The following USP48 variants were observed in gnomAD, a reference collection of about 807,000 sequenced individuals.
The protein encoded by USP48 is ubiquitin specific peptidase 48, also known as ubiquitin carboxyl-terminal hydrolase 48.
USP48 carries 43 observed loss-of-function variants against 150.7 expected under a neutral mutation model. The ratio of observed to expected loss-of-function variants is 0.29; its 90% CI spans 0.22 to 0.37. USP48 has a LOEUF of 0.37. Among genes scored for constraint, USP48 ranks in the 10% least tolerant of loss-of-function variants. The probability of loss-of-function intolerance (pLI) is 1.00; values close to 1 mark genes in which losing one functional copy is unlikely to be tolerated. For synonymous variants in USP48, 396 were observed against 425.9 expected (o/e 0.93, Z 0.86); for missense variants, 813 against 1,249.6 (o/e 0.65, Z 5.27).
chr1:21,780,599 A>G (rs2097911860), intron 1 of USP48, among the ~76,000 whole-genome samples: 1 of 152,118 alleles, frequency 6.6e-6, no homozygotes, highest in Non-Finnish European at 1.5e-5. Flanking sequence ...ATGCTACAAC[A>G]TGGATGACCC....
chr1:21,706,255 T>A, intron 17 of USP48, 68 bp from the exon 18 acceptor site: 1 of 1,561,146 alleles, frequency 6.4e-7, no homozygotes, highest in Admixed American at 1.9e-5. Context: ...TTCCTTATAA[T>A]ATACTTTGGT....
intron 15 of USP48, among the ~76,000 whole-genome samples, chr1:21,711,361 C>T (rs1571810208): frequency 6.6e-6 from 1 of 152,096 alleles, no homozygotes; most frequent in East Asian, 1.9e-4. Context: ...TAGTTAGATG[C>T]TCAGTCCCCT....
chr1:21,679,046 G>GC lies in USP48; in HGVS notation c.*370dup, dbSNP rs2097558264. On this transcript the variant is annotated 3_prime_UTR_variant, in exon 27 of 27. Coordinates refer to ENST00000308271, the MANE Select transcript of USP48 (RefSeq NM_032236.8). ...TTGATACAATCCTTTATGGACCAAC[G>GC]CATCTGGTATGAAACTCGAGCAAGG... 1 of 339,684 alleles carries GC rather than the reference G, an allele frequency of 2.9e-6. No individual in the cohort carries two copies. The highest frequency in any genetic ancestry group is 2.2e-5 in the African/African-American group (1 of 46,038). The allele number at this position is 339,684 out of a possible 1,614,324, so 21.0% of individuals were successfully genotyped here.
In USP48 at chr1:21,680,781, G is replaced by A. The variant is rs377280289; in HGVS notation, c.3085+27C>T. 145 of 1,577,476 alleles carry A rather than the reference G, an allele frequency of 9.2e-5. No homozygotes were observed. The African/African-American group carries it at 1.9e-3, about 21-fold the overall frequency. ...ATTACAGGATGACTCTGACATTCAT[G>A]AACAAAACATGACAAATGTAACTTA... On this transcript the variant is annotated intron_variant, in intron 26 of 26. Coordinates refer to ENST00000308271, the MANE Select transcript of USP48 (RefSeq NM_032236.8).
intron 1 of USP48, among the ~76,000 whole-genome samples, chr1:21,776,671 G>A (rs2097899819): frequency 6.6e-6 from 1 of 150,698 alleles, no homozygotes; most frequent in Non-Finnish European, 1.5e-5. Flanking sequence ...AAAGCTGACA[G>A]GGCCAGGCAC....
At chr1:21,741,249 A>G (rs1237198296) in intron 8 of USP48, among the ~76,000 whole-genome samples, 1 of 152,264 alleles carries the variant, frequency 6.6e-6, no homozygotes, top group Non-Finnish European at 1.5e-5. Context: ...AATTGGTCAC[A>G]GTGACACTGC....
At chr1:21,700,763 G>A (rs554312581) in intron 22 of USP48, among the ~76,000 whole-genome samples, 84 of 152,284 alleles carry the variant, frequency 5.5e-4, no homozygotes, top group African/African-American at 1.9e-3. Context: ...ATATTCCCAC[G>A]ATTTCCTGTT....
At chr1:21,688,607 T>C (rs1571695732) in intron 24 of USP48, among the ~76,000 whole-genome samples, 1 of 150,366 alleles carries the variant, frequency 6.7e-6, no homozygotes, top group East Asian at 2.0e-4. Flanking sequence ...CTTTGGGAGG[T>C]GAGGCGGGCA....
intron 7 of USP48, 44 bp downstream of exon 7, chr1:21,748,094 T>A (rs1218216625): frequency 6.3e-7 from 1 of 1,592,738 alleles, no homozygotes; most frequent in Non-Finnish European, 8.6e-7. Context: ...CTGTACATAG[T>A]AGACCACAAT....
chr1:21,681,032 T>C, intron 25 of USP48, 198 bp from the exon 26 acceptor site: 1 of 490,410 alleles, frequency 2.0e-6, no homozygotes. Flanking sequence ...GCAATACGTA[T>C]GCATCATTTA....
At chr1:21,750,560 T>C (rs967754261) in intron 6 of USP48, among the ~76,000 whole-genome samples, 1 of 152,142 alleles carries the variant, frequency 6.6e-6, no homozygotes, top group African/African-American at 2.4e-5. Context: ...AAACACTGCC[T>C]GACACAGTAA....
At chr1:21,692,001 A>C (rs974908925) in intron 23 of USP48, among the ~76,000 whole-genome samples, 6 of 152,266 alleles carry the variant, frequency 3.9e-5, no homozygotes, top group African/African-American at 1.4e-4. Context: ...CTCACAAATC[A>C]ACCTTGAACT....
chr1:21,702,311 T>C (rs16825842), intron 21 of USP48, among the ~76,000 whole-genome samples: 2,291 of 152,198 alleles, frequency 0.015, 48 homozygotes, highest in East Asian at 0.052. Flanking sequence ...GTATTCCATT[T>C]TGTCTTTAAT....
At chr1:21,733,339 C>T (rs1238450822) in intron 9 of USP48, among the ~76,000 whole-genome samples, 1 of 152,014 alleles carries the variant, frequency 6.6e-6, no homozygotes, top group Admixed American at 6.6e-5. Context: ...ATCGTTTGAA[C>T]CTGGGAGGTG....
intron 22 of USP48, among the ~76,000 whole-genome samples, chr1:21,699,326 G>A (rs1000733500): frequency 1.3e-5 from 2 of 150,206 alleles, no homozygotes; most frequent in East Asian, 4.0e-4. Context: ...AGCCTCTCGA[G>A]TAGCTGGGAC....
intron 8 of USP48, among the ~76,000 whole-genome samples, chr1:21,741,324 CAAG>C (rs2097781059): frequency 6.6e-6 from 1 of 152,206 alleles, no homozygotes; most frequent in African/African-American, 2.4e-5. Context: ...CTTGTAGAGA[CAAG>C]AATTAGACTG....
intron 1 of USP48, among the ~76,000 whole-genome samples, chr1:21,780,045 C>A (rs1420305176): frequency 6.6e-6 from 1 of 152,102 alleles, no homozygotes; most frequent in Admixed American, 6.6e-5. Context: ...TGTGTATGAC[C>A]CAGTAATTCC....
chr1:21,710,739 T>C (rs1271604009), intron 15 of USP48, among the ~76,000 whole-genome samples: 1 of 152,060 alleles, frequency 6.6e-6, no homozygotes, highest in Admixed American at 6.5e-5. Flanking sequence ...GTTAAAATGA[T>C]GTTTAAAACT....
intron 24 of USP48, among the ~76,000 whole-genome samples, chr1:21,687,453 T>G (rs534238276): frequency 1.3e-5 from 2 of 152,210 alleles, no homozygotes; most frequent in African/African-American, 4.8e-5. Context: ...AGTGGTATAC[T>G]GTGTGTGTGA....
Sources: allele counts gnomAD v4.1 joint callset (sites outside exome capture counted in the v4.1 genomes callset), GRCh38; gene constraint gnomAD v4.1.1; transcripts MANE v1.5; gene names NCBI Gene and HGNC (gene_info 2026-07-23, HGNC 2026-07-21).